The following WWTR1 variants were observed in gnomAD, a reference collection of about 807,000 sequenced individuals.
WWTR1 encodes the protein WW domain containing transcription regulator 1.
A neutral mutation model predicts 40.1 loss-of-function variants in WWTR1; 13 were observed. The observed-to-expected ratio is 0.32, with a 90% CI of 0.21 to 0.52. The LOEUF is 0.52. WWTR1 is among the 20% of genes least tolerant of loss of function. The pLI is 0.97. For synonymous variants in WWTR1, 230 were observed against 210.1 expected, an observed-to-expected ratio of 1.09 and a Z score of -0.82; for missense variants, 436 against 523.1, an observed-to-expected ratio of 0.83 and a Z score of 1.63.
chr3:149,624,971 T>A (rs1465072355), intron 2 of WWTR1, among the ~76,000 whole-genome samples: 1 of 151,900 alleles, frequency 6.6e-6, no homozygotes, highest in African/African-American at 2.4e-5. Context: ...CCTCAAGTGA[T>A]CCACACACCT....
At chr3:149,589,259 A>T (rs1412596347) in intron 2 of WWTR1, among the ~76,000 whole-genome samples, 1 of 152,210 alleles carries the variant, frequency 6.6e-6, no homozygotes, top group Non-Finnish European at 1.5e-5. Context: ...TCTAGAAAGA[A>T]AGATTAGGCT....
At chr3:149,582,277 T>C (rs1450021215) in intron 2 of WWTR1, among the ~76,000 whole-genome samples, 2 of 147,326 alleles carry the variant, frequency 1.4e-5, no homozygotes, top group South Asian at 2.1e-4. Context: ...TGTGAAAACA[T>C]AAGAAGGAAA....
At chr3:149,555,578 A>G (rs1736792165) in intron 3 of WWTR1, among the ~76,000 whole-genome samples, 1 of 152,132 alleles carries the variant, frequency 6.6e-6, no homozygotes, top group Admixed American at 6.5e-5. Context: ...ACCTGTATAA[A>G]TATGCATTTC....
At chr3:149,722,189 CTCTATTATTCT>C (rs1559849800) in intron 4 of WWTR1, among the ~76,000 whole-genome samples, 1 of 151,866 alleles carries the variant, frequency 6.6e-6, no homozygotes, top group Admixed American at 6.6e-5. Flanking sequence ...CTTCAGATTT[CTCTATTATTCT>C]TCTATTATTT....
chr3:149,564,563 C>T (rs1383138402), intron 3 of WWTR1, among the ~76,000 whole-genome samples: 1 of 151,814 alleles, frequency 6.6e-6, no homozygotes, highest in Admixed American at 6.6e-5. Context: ...AGGGAATCAC[C>T]CTTAACTCAA....
At chr3:149,622,469 G>C (rs1361570007) in intron 2 of WWTR1, among the ~76,000 whole-genome samples, 1 of 96,752 alleles carries the variant, frequency 1.0e-5, no homozygotes, top group Admixed American at 1.1e-4. Context: ...AAGGAAGGAA[G>C]GAAGGAAGGA....
At chr3:149,597,141 A>G (rs1739033649) in intron 2 of WWTR1, among the ~76,000 whole-genome samples, 1 of 152,244 alleles carries the variant, frequency 6.6e-6, no homozygotes, top group Admixed American at 6.5e-5. Context: ...GCTTCACAAT[A>G]ACTGTTAGGT....
chr3:149,546,537 G>C (rs2107945742), intron 3 of WWTR1, among the ~76,000 whole-genome samples: 1 of 152,318 alleles, frequency 6.6e-6, no homozygotes, highest in Non-Finnish European at 1.5e-5. Context: ...CTCCACAGAA[G>C]GGCACACCTG....
At chr3:149,649,288 A>T (rs1240444047) in intron 2 of WWTR1, among the ~76,000 whole-genome samples, 7 of 152,028 alleles carry the variant, frequency 4.6e-5, no homozygotes, top group Admixed American at 4.6e-4. Flanking sequence ...CACCGCGCCC[A>T]GCCAAGTTCA....
intron 3 of WWTR1, among the ~76,000 whole-genome samples, chr3:149,553,585 G>A (rs1736703804): frequency 6.6e-6 from 1 of 152,238 alleles, no homozygotes; most frequent in South Asian, 2.1e-4. Flanking sequence ...CTTATATATG[G>A]GAAGGAGAGG....
At chr3:149,677,940 T>C (rs1300208421) in intron 1 of WWTR1, among the ~76,000 whole-genome samples, 7 of 151,280 alleles carry the variant, frequency 4.6e-5, no homozygotes, top group Non-Finnish European at 1.0e-4. Flanking sequence ...TTTTTGTATT[T>C]TTTTTTTTTT....
upstream of WWTR1, among the ~76,000 whole-genome samples, chr3:149,659,031 G>A (rs779091995): frequency 1.2e-4 from 18 of 152,162 alleles, no homozygotes; most frequent in Non-Finnish European, 2.9e-5. Context: ...CTAGCTAAGG[G>A]AAGAAGGTCA....
intron 1 of WWTR1, among the ~76,000 whole-genome samples, chr3:149,699,948 G>A (rs1715120005): frequency 6.6e-6 from 1 of 152,080 alleles, no homozygotes; most frequent in African/African-American, 2.4e-5. Context: ...TTCTGTATCA[G>A]TCCACTTTCG....
chr3:149,571,774 G>A (rs1737643657), intron 3 of WWTR1, among the ~76,000 whole-genome samples: 2 of 152,162 alleles, frequency 1.3e-5, no homozygotes, highest in South Asian at 4.1e-4. Context: ...TAACTGTTCT[G>A]TGTATAAAGC....
At chr3:149,688,182 C>T (rs1415344761) in intron 1 of WWTR1, among the ~76,000 whole-genome samples, 3 of 151,874 alleles carry the variant, frequency 2.0e-5, no homozygotes, top group African/African-American at 7.3e-5. Flanking sequence ...CATATCTAGA[C>T]CCACCCTGGG....
rs185143910 is a variant in WWTR1, at chr3:149,632,287, G to A, written c.431+24589C>T. On this transcript the variant is annotated intron_variant, in intron 2 of 6. Transcript: ENST00000360632. ...GAGGTCCCTCTGCATTGGTTGAGTT[G>A]CCCCAAGGCCACGTAGTTTCTAGCA... Among the ~76,000 whole-genome samples the A allele has an allele frequency of 3.3e-4, 50 of 151,962 alleles. No homozygotes were observed. The East Asian group carries it at 9.6e-3, about 29-fold the overall frequency.
chr3:149,634,652 A>C (rs1270738032), intron 2 of WWTR1, among the ~76,000 whole-genome samples: 2 of 152,182 alleles, frequency 1.3e-5, no homozygotes, highest in Non-Finnish European at 2.9e-5. Context: ...GATCCCAAAG[A>C]AGCAAGTGAA....
chr3:149,619,277 T>C (rs1282490679), intron 2 of WWTR1, among the ~76,000 whole-genome samples: 1 of 152,118 alleles, frequency 6.6e-6, no homozygotes, highest in South Asian at 2.1e-4. Flanking sequence ...CTTCCAACTC[T>C]TCACGCTGAC....
chr3:149,720,453 T>A (rs1037898011), intron 4 of WWTR1, among the ~76,000 whole-genome samples: 1 of 152,162 alleles, frequency 6.6e-6, no homozygotes, highest in Non-Finnish European at 1.5e-5. Flanking sequence ...ATTTCTGGAT[T>A]CTCTATTGTA....
Sources: gnomAD v4.1 joint callset for allele counts (sites outside exome capture counted in the v4.1 genomes callset) on GRCh38, gnomAD v4.1.1 for gene constraint, MANE v1.5 for transcripts, NCBI Gene and HGNC (gene_info 2026-07-23, HGNC 2026-07-21) for gene names.